MYT1L: variants seen among roughly 807,000 people sequenced by gnomAD.
MYT1L encodes the protein myelin transcription factor 1-like protein.
A neutral mutation model predicts 126.7 loss-of-function variants in MYT1L; 12 were observed. The observed-to-expected ratio is 0.09, with a 90% CI of 0.06 to 0.15. MYT1L has a LOEUF of 0.15. Ranked by LOEUF, MYT1L falls within the 10% of genes least tolerant of loss-of-function variation. The pLI is 1.00. For synonymous variants in MYT1L, 541 were observed against 604.2 expected (o/e 0.90, Z 1.53); for missense variants, 979 against 1,585.2 (o/e 0.62, Z 6.49).
At chr2:2,188,417 C>G (rs930260759) in intron 2 of MYT1L, among the ~76,000 whole-genome samples, 1 of 152,194 alleles carries the variant, frequency 6.6e-6, no homozygotes, top group Non-Finnish European at 1.5e-5. Flanking sequence ...GATGGATGCA[C>G]GAACTTACCA....
Position 2,013,861 on chromosome 2 carries a change from C to T in MYT1L, c.-157-16514G>A, listed in dbSNP as rs1054714524. ...TCACATGCTGCTGCACGGAGGCCTG[C>T]GTCCGCACCCGGGCAGTTTGGTTTA... is the stretch of plus-strand genomic sequence containing the variant. On this transcript the variant is annotated intron_variant, in intron 4 of 24. Coordinates refer to ENST00000647738, the MANE Select transcript of MYT1L (RefSeq NM_001303052.2). Among the ~76,000 whole-genome samples the T allele has an allele frequency of 3.9e-5, 6 of 152,224 alleles. No individual in the cohort carries two copies. In the East Asian group the frequency reaches 7.7e-4, roughly 20 times the overall value.
At chr2:2,005,906 G>T (rs2063261325) in intron 4 of MYT1L, among the ~76,000 whole-genome samples, 1 of 139,404 alleles carries the variant, frequency 7.2e-6, no homozygotes. Context: ...GTTCTTTCCT[G>T]CGTGCCTTCT....
At chr2:1,825,746 T>G (rs1180265904) in intron 21 of MYT1L, 1 of 152,232 alleles carries the variant, frequency 6.6e-6, no homozygotes, top group Admixed American at 6.5e-5. Flanking sequence ...GGACAGAGAC[T>G]GTCTTGAAAT....
At chr2:2,211,728 C>A (rs1231657557) in intron 2 of MYT1L, among the ~76,000 whole-genome samples, 2 of 150,888 alleles carry the variant, frequency 1.3e-5, no homozygotes, top group Non-Finnish European at 2.9e-5. Context: ...TCGCTTGAAC[C>A]CAGAAGGCAG....
chr2:1,825,808 G>A (rs1021906845), intron 21 of MYT1L: 8 of 152,246 alleles, frequency 5.3e-5, no homozygotes, highest in Non-Finnish European at 1.0e-4. Flanking sequence ...CCCTTCCAGT[G>A]GGCAGAATGC....
intron 3 of MYT1L, among the ~76,000 whole-genome samples, chr2:2,074,780 G>C (rs2075028345): frequency 6.6e-6 from 1 of 152,148 alleles, no homozygotes; most frequent in South Asian, 2.1e-4. Context: ...AGTTGAAGAA[G>C]AACATTAGGA....
At position 1,979,560 on chromosome 2, in the gene MYT1L, G is replaced by C; in HGVS notation, c.56-6C>G. 6.2e-7 allele frequency: 1 copy of C among 1,613,568 alleles called. No individual in the cohort carries two copies. Among genetic ancestry groups the C allele is most frequent in the Admixed American group, 1.7e-5 (1 of 60,026 alleles). On this transcript the variant is annotated splice_polypyrimidine_tract_variant and splice_region_variant and intron_variant, in intron 6 of 24. Coordinates refer to ENST00000647738, the MANE Select transcript of MYT1L (RefSeq NM_001303052.2). The surrounding 1 kb of genome is among the most constrained non-coding windows in gnomAD (Gnocchi z 4.0). ...TATGGCTGGTTCCACGGGAACTGCA[G>C]AGAGATGGAAATAGATAAAAATTTA...
At chr2:2,138,969 G>A (rs563674337) in intron 3 of MYT1L, among the ~76,000 whole-genome samples, 1 of 152,050 alleles carries the variant, frequency 6.6e-6, no homozygotes, top group Non-Finnish European at 1.5e-5. Context: ...CTGTCTTCTA[G>A]GAACTGCACT....
At position 2,089,290 on chromosome 2, in the gene MYT1L, T is replaced by C. The variant is rs541727451; in HGVS notation, c.-303-35167A>G. 5.5e-4 allele frequency among the ~76,000 whole-genome samples: 84 copies of C among 152,322 alleles called. 1 individual carries two copies. In the South Asian group the frequency reaches 0.017, roughly 32 times the overall value. ...TACAATCAGGCTTGCAAATGAAAAC[T>C]GCACCGCCACCCTTCAGGAAGTACT... is the stretch of plus-strand genomic sequence containing the variant. On this transcript the variant is annotated intron_variant, in intron 3 of 24. Transcript: ENST00000647738.
chr2:2,026,967 A>G (rs73913042), intron 4 of MYT1L, among the ~76,000 whole-genome samples: 6,859 of 152,166 alleles, frequency 0.045, 193 homozygotes, highest in Non-Finnish European at 0.052. Context: ...CCCACAGGAC[A>G]AAGCTCAAGA....
At chr2:2,314,322 G>T (rs2096026901) in intron 1 of MYT1L, among the ~76,000 whole-genome samples, 1 of 152,152 alleles carries the variant, frequency 6.6e-6, no homozygotes, top group African/African-American at 2.4e-5. Flanking sequence ...ATAACAGAAT[G>T]AATACTTAAT....
chr2:1,940,613 A>C (rs1371742891), intron 9 of MYT1L, among the ~76,000 whole-genome samples: 4 of 151,962 alleles, frequency 2.6e-5, no homozygotes, highest in Non-Finnish European at 4.4e-5. Context: ...CAGGTAGGTT[A>C]TCTCTCAACA....
At chr2:2,184,687 T>TG (rs1338068399) in intron 2 of MYT1L, among the ~76,000 whole-genome samples, 1 of 152,224 alleles carries the variant, frequency 6.6e-6, no homozygotes, top group Non-Finnish European at 1.5e-5. Context: ...CGCCCACCAA[T>TG]GGGCTGGCGG....
chr2:2,244,763 G>A (rs1340440108), intron 2 of MYT1L, among the ~76,000 whole-genome samples: 2 of 152,152 alleles, frequency 1.3e-5, no homozygotes, highest in Non-Finnish European at 2.9e-5. Flanking sequence ...ACCTCCATAG[G>A]GTGACTGAAT....
intron 18 of MYT1L, among the ~76,000 whole-genome samples, chr2:1,872,878 G>A (rs1045993034): frequency 6.6e-6 from 1 of 152,164 alleles, no homozygotes. Flanking sequence ...TTATAATCAT[G>A]ACCTCTCAGG....
At chr2:2,257,925 G>T (rs1380330937) in intron 2 of MYT1L, among the ~76,000 whole-genome samples, 3 of 137,334 alleles carry the variant, frequency 2.2e-5, no homozygotes, top group Non-Finnish European at 3.1e-5. Context: ...AAAAGAGCCC[G>T]CATCGCCAAG....
At chr2:1,937,797 G>T (rs570428620) in intron 9 of MYT1L, among the ~76,000 whole-genome samples, 3 of 152,210 alleles carry the variant, frequency 2.0e-5, no homozygotes, top group Non-Finnish European at 2.9e-5. Context: ...CGTGGAGAAG[G>T]CCCTAAGGTG....
At chr2:2,275,414 C>T (rs562037992) in intron 2 of MYT1L, among the ~76,000 whole-genome samples, 1 of 152,242 alleles carries the variant, frequency 6.6e-6, no homozygotes, top group African/African-American at 2.4e-5. Context: ...CTAGGAGCTA[C>T]TTCTGGTCAT....
intron 4 of MYT1L, among the ~76,000 whole-genome samples, chr2:2,043,378 C>T (rs899797907): frequency 6.6e-6 from 1 of 152,184 alleles, no homozygotes; most frequent in Non-Finnish European, 1.5e-5. Flanking sequence ...ATGTTGTTAT[C>T]AGTTCTCACC....
Sources: gnomAD v4.1 joint callset for allele counts (sites outside exome capture counted in the v4.1 genomes callset) on GRCh38, gnomAD v4.1.1 for gene constraint, Gnocchi (gnomAD v3.1) non-coding constraint, MANE v1.5 for transcripts, NCBI Gene and HGNC (gene_info 2026-07-23, HGNC 2026-07-21) for gene names.